LIPI: variants seen among roughly 807,000 people sequenced by gnomAD.
LIPI encodes the protein lipase member I.
In LIPI, 59 loss-of-function variants were observed where a neutral mutation model predicts 50.6. The ratio of observed to expected loss-of-function variants is 1.16; its 90% CI spans 0.94 to 1.45. The LOEUF (loss-of-function observed/expected upper bound fraction) is 1.45, where lower values mean the gene tolerates loss of function less well. Ranked by LOEUF, LIPI falls within the 40% of genes most tolerant of loss-of-function variation. The pLI, the probability that LIPI is intolerant of heterozygous loss-of-function variation, is 0.00. For missense variants in LIPI, 586 were observed against 536.3 expected (o/e 1.09, Z -0.92); for synonymous variants, 203 against 178.2 (o/e 1.14, Z -1.11).
chr21:14,140,529 C>T (rs2017667988), intron 9 of LIPI, among the ~76,000 whole-genome samples: 1 of 151,902 alleles, frequency 6.6e-6, no homozygotes, highest in Non-Finnish European at 1.5e-5. Context: ...TAATATTTTT[C>T]TTTCAGTTTC....
chr21:14,178,622 T>C (rs891264578), intron 4 of LIPI, among the ~76,000 whole-genome samples: 1 of 152,160 alleles, frequency 6.6e-6, no homozygotes, highest in African/African-American at 2.4e-5. Context: ...AAAATATTAA[T>C]AGCAAAAACC....
intron 1 of LIPI, among the ~76,000 whole-genome samples, chr21:14,204,888 A>C (rs2020181818): frequency 6.6e-6 from 1 of 151,946 alleles, no homozygotes; most frequent in Non-Finnish European, 1.5e-5. Context: ...GAAACCAGGA[A>C]GCCAATAGAT....
chr21:14,117,267 A>G (rs1020032330), intron 9 of LIPI, among the ~76,000 whole-genome samples: 4 of 152,166 alleles, frequency 2.6e-5, no homozygotes. Context: ...CTATACGGAA[A>G]AACCCCAGGC....
At chr21:14,210,772 T>C in intron 1 of LIPI, 28 bp downstream of exon 1, 2 of 969,172 alleles carry the variant, frequency 2.1e-6, no homozygotes, top group South Asian at 3.3e-5. Context: ...TTTTTAAAGA[T>C]AAATCAAATT....
At chr21:14,202,960 C>T (rs916898393) in intron 1 of LIPI, among the ~76,000 whole-genome samples, 1 of 151,958 alleles carries the variant, frequency 6.6e-6, no homozygotes, top group Admixed American at 6.6e-5. Flanking sequence ...TATCCAGAAT[C>T]TACAATGAAT....
intron 9 of LIPI, among the ~76,000 whole-genome samples, chr21:14,143,209 T>C (rs535257189): frequency 1.3e-5 from 2 of 152,060 alleles, no homozygotes; most frequent in African/African-American, 2.4e-5. Flanking sequence ...AGATTGAAAA[T>C]CTTACAGCTC....
At chr21:14,135,261 G>A (rs527297924) in intron 9 of LIPI, among the ~76,000 whole-genome samples, 4 of 152,104 alleles carry the variant, frequency 2.6e-5, no homozygotes, top group Non-Finnish European at 4.4e-5. Flanking sequence ...GCAAGATGGT[G>A]GAATAGAAAG....
At chr21:14,127,444 A>G (rs1568837061) in intron 9 of LIPI, among the ~76,000 whole-genome samples, 1 of 152,212 alleles carries the variant, frequency 6.6e-6, no homozygotes, top group Non-Finnish European at 1.5e-5. Flanking sequence ...TTTTTTCCCC[A>G]GAGTAGAAAC....
chr21:14,147,131 G>C (rs2017937039), intron 8 of LIPI, among the ~76,000 whole-genome samples: 1 of 152,008 alleles, frequency 6.6e-6, no homozygotes, highest in Admixed American at 6.6e-5. Flanking sequence ...AGTGGGTCAT[G>C]CTTCTCTATG....
chr21:14,186,049 G>A lies in LIPI; in HGVS notation c.453C>T (p.Asp151=), dbSNP rs767230140. The A allele has an allele frequency of 1.5e-5, 24 of 1,591,814 alleles. No homozygotes were observed. The highest frequency in any genetic ancestry group is 2.0e-5 in the Non-Finnish European group (23 of 1,159,978). ...AGCTCACACCTATGAAATGAAAATT[G>A]TCAAGAGATGCACCATGCTTCTGCA... The part of the protein sequence containing the change: ...KNLLKHGASL[D]NFHFIGVSLG... The change falls in exon 3 of 10, where the codon GAC becomes GAT. Residue 151 remains aspartate (D), a synonymous_variant. Transcript: ENST00000681601.
At chr21:14,188,506 TG>T (rs1199014400) in intron 2 of LIPI, among the ~76,000 whole-genome samples, 1 of 136,110 alleles carries the variant, frequency 7.3e-6, no homozygotes, top group Non-Finnish European at 1.5e-5. Context: ...AGGTGCAGGC[TG>T]CAGTGAGCCA....
chr21:14,180,385 G>A (rs1202295029), intron 4 of LIPI, among the ~76,000 whole-genome samples: 1 of 152,152 alleles, frequency 6.6e-6, no homozygotes, highest in African/African-American at 2.4e-5. Flanking sequence ...GCTGGTCTGA[G>A]ACTCAAGCGG....
intron 2 of LIPI, among the ~76,000 whole-genome samples, chr21:14,188,539 G>A (rs536161001): frequency 5.7e-4 from 74 of 129,872 alleles, no homozygotes; most frequent in African/African-American, 1.9e-3. Flanking sequence ...CTGTACTCCA[G>A]CTTGGGCAAC....
intron 4 of LIPI, among the ~76,000 whole-genome samples, chr21:14,178,569 C>T (rs537478897): frequency 6.6e-6 from 1 of 152,178 alleles, no homozygotes; most frequent in African/African-American, 2.4e-5. Flanking sequence ...TAAATTTATA[C>T]TTACTAATTT....
chr21:14,145,616 A>T (rs2017875274), intron 8 of LIPI, among the ~76,000 whole-genome samples: 2 of 152,156 alleles, frequency 1.3e-5, no homozygotes, highest in African/African-American at 4.8e-5. Flanking sequence ...TAGGAGGAAG[A>T]GATGAAGGAA....
At chr21:14,169,265 G>A (rs1254242201) in intron 4 of LIPI, among the ~76,000 whole-genome samples, 1 of 151,994 alleles carries the variant, frequency 6.6e-6, no homozygotes, top group Non-Finnish European at 1.5e-5. Flanking sequence ...TTAATAATGG[G>A]AGACTTTAAC....
At chr21:14,193,906 A>T (rs534800738) in intron 1 of LIPI, among the ~76,000 whole-genome samples, 1 of 152,262 alleles carries the variant, frequency 6.6e-6, no homozygotes, top group East Asian at 1.9e-4. Flanking sequence ...TAATTAATTA[A>T]TATCAGAATA....
In LIPI at chr21:14,193,912, G is replaced by T. The variant is rs115898605; in HGVS notation, c.47-4493C>A. Among the ~76,000 whole-genome samples, 4 of 152,106 alleles carry T rather than the reference G, an allele frequency of 2.6e-5. No individual in the cohort carries two copies. The East Asian group carries it at 5.8e-4, about 22-fold the overall frequency. ...GATATGGATTAATTAATTAATATCA[G>T]AATATTATAATGAACTTCTATCACT... On this transcript the variant is annotated intron_variant, in intron 1 of 9. Coordinates refer to ENST00000681601, the MANE Select transcript of LIPI (RefSeq NM_001302998.2).
intron 4 of LIPI, among the ~76,000 whole-genome samples, chr21:14,180,885 T>C (rs2019247451): frequency 6.6e-6 from 1 of 152,120 alleles, no homozygotes. Context: ...AGAGGAGCAA[T>C]CTTAGTGTCA....
Sources: gnomAD v4.1 joint callset for allele counts (sites outside exome capture counted in the v4.1 genomes callset) on GRCh38, gnomAD v4.1.1 for gene constraint, MANE v1.5 for transcripts, NCBI Gene and HGNC (gene_info 2026-07-23, HGNC 2026-07-21) for gene names.